The following FMN1 variants were observed in gnomAD, a reference collection of about 807,000 sequenced individuals.
FMN1 encodes formin-1.
FMN1 carries 110 observed loss-of-function variants against 132.4 expected under a neutral mutation model. The observed-to-expected ratio is 0.83, with a 90% CI of 0.71 to 0.97. The LOEUF is 0.97. Among genes scored for constraint, FMN1 ranks in the 50% least tolerant of loss-of-function variants. FMN1 has a pLI of 0.00. For missense variants in FMN1, 1,792 were observed against 1,705.3 expected (o/e 1.05, Z -0.90); for synonymous variants, 722 against 651.7 (o/e 1.11, Z -1.64).
intron 7 of FMN1, among the ~76,000 whole-genome samples, chr15:32,973,988 T>C (rs1436178453): frequency 2.0e-5 from 3 of 152,216 alleles, no homozygotes; most frequent in Admixed American, 6.5e-5. Context: ...TAGATAATCA[T>C]GTACTCCCAA....
intron 4 of FMN1, among the ~76,000 whole-genome samples, chr15:33,097,050 T>G (rs2039111491): frequency 6.6e-6 from 1 of 152,032 alleles, no homozygotes; most frequent in Non-Finnish European, 1.5e-5. Context: ...TCCCAGCACT[T>G]TGGGAGGCCG....
intron 17 of FMN1, among the ~76,000 whole-genome samples, chr15:32,851,233 C>T (rs1281712662): frequency 6.6e-6 from 1 of 152,136 alleles, no homozygotes; most frequent in Non-Finnish European, 1.5e-5. Flanking sequence ...GAGATAAGGC[C>T]AAGTGTGGGA....
rs550520649 is a variant in FMN1, at chr15:33,154,482, C to A, written c.433G>T (p.Val145Leu). The change falls in exon 4 of 21, where the codon GTG (valine) becomes TTG (leucine). Residue 145 changes from valine (V) to leucine (L), a missense_variant. Physicochemically the swap from Val to Leu is conservative, Grantham distance 32 (BLOSUM62 1). Around this residue, in one of 3 missense-constraint regions of FMN1, gnomAD observed 638 missense variants for 645.2 expected, o/e 0.99. Transcript: ENST00000616417. ...GTGCTCCTCTTATTGAGAGGGCCCA[C>A]GGGGAGCTCTCCCTGCCAGTCACCA... The part of the protein sequence containing the change: ...SAGDWQGELP[V>L]GPLNKRSTHG... 2.7e-5 allele frequency: 42 copies of A among 1,535,804 alleles called. No homozygotes were observed. The highest frequency in any genetic ancestry group is 3.4e-5 in the Non-Finnish European group (39 of 1,146,908).
At chr15:33,078,802 G>A (rs1051764674) in intron 5 of FMN1, among the ~76,000 whole-genome samples, 2 of 152,172 alleles carry the variant, frequency 1.3e-5, no homozygotes, top group African/African-American at 4.8e-5. Flanking sequence ...ATCCTGGAGA[G>A]AGAGAGGAAA....
chr15:33,127,085 A>G (rs1454208713), intron 4 of FMN1, among the ~76,000 whole-genome samples: 1 of 152,244 alleles, frequency 6.6e-6, no homozygotes, highest in Non-Finnish European at 1.5e-5. Context: ...GCACTGTATC[A>G]GGAGCTGGTT....
At chr15:33,066,961 G>T in intron 5 of FMN1, 1 of 1,613,902 alleles carries the variant, frequency 6.2e-7, no homozygotes, top group Non-Finnish European at 8.5e-7. Context: ...GCGTCAATTT[G>T]AGCAAAGCTA....
intron 3 of FMN1, among the ~76,000 whole-genome samples, chr15:33,169,397 T>G (rs1255948904): frequency 6.6e-6 from 1 of 152,162 alleles, no homozygotes; most frequent in Non-Finnish European, 1.5e-5. Flanking sequence ...TAAAAACAAT[T>G]TCTGAATTTG....
chr15:33,184,911 A>C (rs1465089278), intron 2 of FMN1, among the ~76,000 whole-genome samples: 1 of 152,218 alleles, frequency 6.6e-6, no homozygotes, highest in Non-Finnish European at 1.5e-5. Flanking sequence ...GCTCTTTATA[A>C]ATGTAATCCA....
intron 6 of FMN1, among the ~76,000 whole-genome samples, chr15:33,010,695 G>C (rs1014694823): frequency 1.3e-5 from 2 of 151,922 alleles, no homozygotes; most frequent in African/African-American, 4.8e-5. Flanking sequence ...AGATCCAACT[G>C]ATAAAATATT....
chr15:33,179,713 T>C (rs1363744505), intron 3 of FMN1, among the ~76,000 whole-genome samples: 2 of 152,226 alleles, frequency 1.3e-5, no homozygotes, highest in Non-Finnish European at 2.9e-5. Flanking sequence ...TAGAAAATCA[T>C]GGGTGATCAA....
At chr15:32,986,204 T>C (rs2140816108) in intron 7 of FMN1, among the ~76,000 whole-genome samples, 1 of 152,294 alleles carries the variant, frequency 6.6e-6, no homozygotes, top group Non-Finnish European at 1.5e-5. Flanking sequence ...TTTCTGGAGC[T>C]GCACTTGTTT....
At chr15:32,793,728 T>G (rs1034694447) in intron 19 of FMN1, among the ~76,000 whole-genome samples, 2 of 152,194 alleles carry the variant, frequency 1.3e-5, no homozygotes, top group Middle Eastern at 3.2e-3. Context: ...TATTAAGGGA[T>G]TTTTAAAAAT....
chr15:33,021,973 A>C (rs1013685558), intron 6 of FMN1, among the ~76,000 whole-genome samples: 3 of 152,218 alleles, frequency 2.0e-5, no homozygotes, highest in African/African-American at 7.2e-5. Flanking sequence ...ATTGAAAGTA[A>C]CCAACTCCTG....
At chr15:33,128,877 G>T (rs997641896) in intron 4 of FMN1, among the ~76,000 whole-genome samples, 2 of 152,202 alleles carry the variant, frequency 1.3e-5, no homozygotes, top group Admixed American at 6.5e-5. Context: ...CTGCGTGCGT[G>T]GCCAGCTTTT....
At chr15:32,896,686 T>C (rs2060166649) in intron 15 of FMN1, among the ~76,000 whole-genome samples, 1 of 152,188 alleles carries the variant, frequency 6.6e-6, no homozygotes, top group Non-Finnish European at 1.5e-5. Flanking sequence ...GACTGGATTA[T>C]ATTGACTTAG....
intron 7 of FMN1, among the ~76,000 whole-genome samples, chr15:32,974,128 C>T (rs1368008913): frequency 6.6e-6 from 1 of 152,216 alleles, no homozygotes; most frequent in Non-Finnish European, 1.5e-5. Context: ...ATACATTGAA[C>T]ATGTGCTTGT....
chr15:33,106,063 G>C (rs1372022220), intron 4 of FMN1: 1 of 152,080 alleles, frequency 6.6e-6, no homozygotes, highest in Non-Finnish European at 1.5e-5. Flanking sequence ...CATAAGGGGA[G>C]GCTCTGAGCA....
chr15:33,005,210 A>G (rs919560927), intron 7 of FMN1, among the ~76,000 whole-genome samples: 2 of 151,878 alleles, frequency 1.3e-5, no homozygotes, highest in African/African-American at 4.8e-5. Flanking sequence ...AAAAAAAAAA[A>G]CTACAGCTAA....
chr15:33,028,116 T>TA (rs576583789), intron 6 of FMN1, among the ~76,000 whole-genome samples: 109 of 152,326 alleles, frequency 7.2e-4, no homozygotes, highest in African/African-American at 2.5e-3. Flanking sequence ...TGGGGAGGTT[T>TA]AAAATTTACT....
Sources: allele counts gnomAD v4.1 joint callset (sites outside exome capture counted in the v4.1 genomes callset), GRCh38; gene constraint gnomAD v4.1.1; regional missense constraint gnomAD v4.1.1; transcripts MANE v1.5; gene names NCBI Gene and HGNC (gene_info 2026-07-23, HGNC 2026-07-21).